Variants in PRR5L observed in about 807,000 individuals in gnomAD.
PRR5L encodes the protein proline rich 5 like.
In PRR5L, 21 loss-of-function variants were observed where a neutral mutation model predicts 36.4. That is an observed-to-expected ratio of 0.58 (90% CI 0.41 to 0.83). The LOEUF is 0.83. Among genes scored for constraint, PRR5L ranks in the 40% least tolerant of loss-of-function variants. The pLI, the probability that PRR5L is intolerant of heterozygous loss-of-function variation, is 0.00. For synonymous variants in PRR5L, 188 were observed against 197.0 expected, an observed-to-expected ratio of 0.95 and a Z score of 0.38; for missense variants, 381 against 473.3, an observed-to-expected ratio of 0.80 and a Z score of 1.81.
chr11:36,321,653 G>C (rs150907392), intron 1 of PRR5L: 13 of 152,202 alleles, frequency 8.5e-5, no homozygotes, highest in Admixed American at 3.9e-4. Context: ...TGGGTTCACC[G>C]CCTCTGCTTT....
At chr11:36,416,186 A>G (rs1858138792) in intron 3 of PRR5L, among the ~76,000 whole-genome samples, 1 of 119,846 alleles carries the variant, frequency 8.3e-6, no homozygotes, top group Non-Finnish European at 1.8e-5. Context: ...AAAACTCTGC[A>G]TATATATATA....
chr11:36,309,943 G>A (rs1391558556), intron 1 of PRR5L, among the ~76,000 whole-genome samples: 1 of 400 alleles, frequency 2.5e-3, no homozygotes, highest in Non-Finnish European at 0.05. Flanking sequence ...CCATGTCAAA[G>A]AATGACTCCA....
At chr11:36,349,215 C>T (rs965522234) in intron 1 of PRR5L, among the ~76,000 whole-genome samples, 13 of 137,722 alleles carry the variant, frequency 9.4e-5, no homozygotes, top group East Asian at 9.1e-4. Flanking sequence ...ACCCGCGAGG[C>T]GGAGGTTGCA....
chr11:36,383,776 A>G (rs1306926991), intron 1 of PRR5L, among the ~76,000 whole-genome samples: 2 of 148,100 alleles, frequency 1.4e-5, no homozygotes, highest in African/African-American at 5.0e-5. Flanking sequence ...GATCACTGCA[A>G]TCACTGCCTC....
intron 3 of PRR5L, among the ~76,000 whole-genome samples, chr11:36,415,841 A>G (rs1462071338): frequency 2.0e-5 from 3 of 152,256 alleles, no homozygotes; most frequent in Non-Finnish European, 4.4e-5. Flanking sequence ...CTAAGGGCCT[A>G]TGGGGAAACC....
intron 1 of PRR5L, among the ~76,000 whole-genome samples, chr11:36,345,138 G>A (rs1856851583): frequency 6.6e-6 from 1 of 152,068 alleles, no homozygotes; most frequent in Non-Finnish European, 1.5e-5. Flanking sequence ...TGGGACTGAT[G>A]GTTGTGTTCT....
At chr11:36,449,865 T>C (rs550591239) in intron 7 of PRR5L, among the ~76,000 whole-genome samples, 30 of 152,202 alleles carry the variant, frequency 2.0e-4, no homozygotes, top group Non-Finnish European at 4.1e-4. Context: ...CCAAATCACG[T>C]GTTCATTATC....
chr11:36,430,882 A>G (rs1202731004), intron 4 of PRR5L, among the ~76,000 whole-genome samples: 2 of 152,180 alleles, frequency 1.3e-5, no homozygotes, highest in Non-Finnish European at 2.9e-5. Context: ...TTCTTTTATC[A>G]TTGCAGTAGG....
chr11:36,327,440 T>C (rs1856676141), intron 1 of PRR5L, among the ~76,000 whole-genome samples: 1 of 152,216 alleles, frequency 6.6e-6, no homozygotes, highest in African/African-American at 2.4e-5. Flanking sequence ...CTGAGTCTAG[T>C]ATAGCATCAC....
At chr11:36,334,078 G>C (rs973221144) in intron 1 of PRR5L, among the ~76,000 whole-genome samples, 1 of 152,070 alleles carries the variant, frequency 6.6e-6, no homozygotes, top group Non-Finnish European at 1.5e-5. Context: ...AGAAAACGAA[G>C]AGCACATGGG....
chr11:36,353,832 C>T (rs944494391), intron 1 of PRR5L, among the ~76,000 whole-genome samples: 4 of 152,156 alleles, frequency 2.6e-5, no homozygotes, highest in Admixed American at 1.3e-4. Context: ...CCTAACAGGC[C>T]ACAGACTGGT....
intron 1 of PRR5L, among the ~76,000 whole-genome samples, chr11:36,331,767 G>A (rs1216022025): frequency 6.6e-6 from 1 of 152,206 alleles, no homozygotes; most frequent in Non-Finnish European, 1.5e-5. Context: ...ATTAGCAAGA[G>A]AAAAGACAGA....
Position 36,392,563 on chromosome 11 carries a change from G to A in PRR5L, c.-125-8434G>A, listed in dbSNP as rs186401470. On this transcript the variant is annotated intron_variant, in intron 1 of 8. Coordinates refer to ENST00000530639, the MANE Select transcript of PRR5L (RefSeq NM_001160167.2). Reference sequence around the variant, plus strand: ...TAGTTTTGATTTGCATTTCTCTGATGATCAATGATGTATTAGTCCATTTTC... The same window carrying A: ...TAGTTTTGATTTGCATTTCTCTGATAATCAATGATGTATTAGTCCATTTTC... Among the ~76,000 whole-genome samples the A allele has an allele frequency of 4.8e-3, 730 of 152,268 alleles. 4 individuals carry two copies. The highest frequency in any genetic ancestry group is 0.017 in the African/African-American group (694 of 41,542).
At chr11:36,456,658 T>C (rs1445809472) in intron 8 of PRR5L, among the ~76,000 whole-genome samples, 2 of 152,256 alleles carry the variant, frequency 1.3e-5, no homozygotes, top group African/African-American at 4.8e-5. Flanking sequence ...ACTATGACTG[T>C]TGTTATTCCA....
At chr11:36,366,253 T>A (rs1437984790) in intron 1 of PRR5L, among the ~76,000 whole-genome samples, 1 of 152,228 alleles carries the variant, frequency 6.6e-6, no homozygotes, top group Non-Finnish European at 1.5e-5. Context: ...TAGCACCTCT[T>A]TCCTGGTGTT....
In PRR5L at chr11:36,462,540, T is replaced by C. The variant is rs754106759; in HGVS notation, c.911T>C (p.Met304Thr). The change falls in exon 9 of 9, where the codon ATG becomes ACG. Residue 304 changes from methionine (M) to threonine (T), a missense_variant. Physicochemically the swap from Met to Thr is moderately conservative, Grantham distance 81 (BLOSUM62 -1). Transcript: ENST00000530639. ...CACTCGGACATCCAGCTGCTGGCCA[T>C]GGCCACCATGATGCACTCGGGCCTG... ...NAHSDIQLLA[M>T]ATMMHSGLGE... The C allele has an allele frequency of 6.2e-6, 10 of 1,609,930 alleles. No homozygotes were observed. Among genetic ancestry groups the C allele is most frequent in the Non-Finnish European group, 5.1e-6 (6 of 1,177,768 alleles).
rs760878916 is a variant in PRR5L, at chr11:36,401,074, T to C, written c.-48T>C. 1 of 1,595,988 alleles carries C rather than the reference T, an allele frequency of 6.3e-7. No homozygotes were observed. The highest frequency in any genetic ancestry group is 1.7e-5 in the Admixed American group (1 of 58,378). ...CTGGAGAAGCCCTTTCCGAGGGCATTCGGAACCTTCTGGTCCTAGAGGTGA... is the reference window on the plus strand; with the variant it reads ...CTGGAGAAGCCCTTTCCGAGGGCATCCGGAACCTTCTGGTCCTAGAGGTGA... On this transcript the variant is annotated 5_prime_UTR_variant, in exon 2 of 9. Transcript: ENST00000530639.
At chr11:36,351,769 ATATATATTTATATAT>A (rs1392833642) in intron 1 of PRR5L, among the ~76,000 whole-genome samples, 207 of 26,196 alleles carry the variant, frequency 7.9e-3, no homozygotes, top group African/African-American at 0.032. Flanking sequence ...TTATATATTT[ATATATATTTATATAT>A]TTTTTTTATA....
chr11:36,359,574 A>C (rs959558482), intron 1 of PRR5L, among the ~76,000 whole-genome samples: 50 of 152,378 alleles, frequency 3.3e-4, no homozygotes, highest in African/African-American at 9.9e-4. Context: ...GTCAGCAATT[A>C]GTGTAACACT....
Sources: allele counts gnomAD v4.1 joint callset (sites outside exome capture counted in the v4.1 genomes callset), GRCh38; gene constraint gnomAD v4.1.1; transcripts MANE v1.5; gene names NCBI Gene and HGNC (gene_info 2026-07-23, HGNC 2026-07-21).